The following ZMYM1 variants were observed in gnomAD, a reference collection of about 807,000 sequenced individuals.
The protein encoded by ZMYM1 is zinc finger MYM-type protein 1.
ZMYM1 carries 39 observed loss-of-function variants against 60.0 expected under a neutral mutation model. The ratio of observed to expected loss-of-function variants is 0.65; its 90% CI spans 0.50 to 0.85. The LOEUF (loss-of-function observed/expected upper bound fraction) is 0.85, where lower values mean the gene tolerates loss of function less well. Among genes scored for constraint, ZMYM1 ranks in the 40% least tolerant of loss-of-function variants. The pLI is 0.00. For synonymous variants in ZMYM1, 413 were observed against 454.0 expected (o/e 0.91, Z 1.15); for missense variants, 1,171 against 1,309.5 (o/e 0.89, Z 1.63).
At chr1:35,067,800 G>A (rs115876717) in intron 1 of ZMYM1, among the ~76,000 whole-genome samples, 1,833 of 151,808 alleles carry the variant, frequency 0.012, 27 homozygotes, top group African/African-American at 0.027. Flanking sequence ...ACTTGGATCC[G>A]GAAGGCGGAG....
intron 6 of ZMYM1, among the ~76,000 whole-genome samples, chr1:35,107,976 G>T (rs1643949026): frequency 6.6e-6 from 1 of 152,004 alleles, no homozygotes; most frequent in East Asian, 1.9e-4. Context: ...GGGCATAGTG[G>T]CACACACCTA....
chr1:35,106,904 T>C (rs1643907762), intron 6 of ZMYM1, among the ~76,000 whole-genome samples: 1 of 151,464 alleles, frequency 6.6e-6, no homozygotes, highest in Non-Finnish European at 1.5e-5. Context: ...CAGGCTGGAG[T>C]GCAGTGGCGC....
chr1:35,080,948 AT>A (rs5773495), intron 1 of ZMYM1, among the ~76,000 whole-genome samples: 141,560 of 150,136 alleles, frequency 0.94, 66,814 homozygotes, highest in Non-Finnish European at 0.97. Flanking sequence ...GAATAAAATA[AT>A]TTTTTTTTTT....
At chr1:35,060,958 C>T (rs1195893244) in intron 1 of ZMYM1, among the ~76,000 whole-genome samples, 2 of 152,202 alleles carry the variant, frequency 1.3e-5, no homozygotes, top group African/African-American at 2.4e-5. Flanking sequence ...TCTGGGCCCA[C>T]CTGGAACAGG....
upstream of ZMYM1, among the ~76,000 whole-genome samples, chr1:35,078,405 A>C (rs1012748362): frequency 1.3e-5 from 2 of 152,048 alleles, no homozygotes; most frequent in African/African-American, 4.8e-5. Context: ...TTATATATAT[A>C]TTTTAGAATC....
At chr1:35,064,308 AAAAAAC>A (rs1641929610) in intron 1 of ZMYM1, among the ~76,000 whole-genome samples, 10 of 111,052 alleles carry the variant, frequency 9.0e-5, no homozygotes, top group African/African-American at 6.4e-4. Context: ...AAAAAAAAAA[AAAAAAC>A]AAAAAACACT....
chr1:35,097,210 A>C (rs1259571381), intron 3 of ZMYM1, 107 bp from the exon 4 acceptor site: 3 of 1,321,214 alleles, frequency 2.3e-6, no homozygotes, highest in Admixed American at 2.3e-5. Flanking sequence ...AAAGAGGGCA[A>C]CAGAACAAGA....
chr1:35,103,689 G>A (rs1643772213), intron 4 of ZMYM1, among the ~76,000 whole-genome samples: 1 of 152,134 alleles, frequency 6.6e-6, no homozygotes, highest in African/African-American at 2.4e-5. Flanking sequence ...TGGGATTGCA[G>A]GGTCCTACCA....
chr1:35,092,691 G>A (rs1248133038), intron 1 of ZMYM1, among the ~76,000 whole-genome samples: 5 of 150,512 alleles, frequency 3.3e-5, no homozygotes, highest in African/African-American at 7.4e-5. Context: ...GCAATGGCGC[G>A]ATCTTGGCCC....
Position 35,113,280 on chromosome 1 carries a change from T to C in ZMYM1, c.1450T>C (p.Cys484Arg). 1 of 1,612,614 alleles carries C rather than the reference T, an allele frequency of 6.2e-7. No homozygotes were observed. Among genetic ancestry groups the C allele is most frequent in the Non-Finnish European group, 8.5e-7 (1 of 1,178,772 alleles). The stretch of plus-strand genomic sequence containing the variant: ...ATTCTGTTATTCATGCCAGTTGTTC[T>C]GCCAAAAATATTTTAGCTGTGGAAG... The part of the protein sequence containing the change: ...VAFCYSCQLF[C>R]QKYFSCGRES... Residue 484 changes from cysteine to arginine, a missense_variant, in exon 10 of 10, where the codon TGC becomes CGC. Coordinates refer to ENST00000359858, the MANE Select transcript of ZMYM1 (RefSeq NM_024772.5).
downstream of ZMYM1, among the ~76,000 whole-genome samples, chr1:35,116,506 G>A (rs1220292663): frequency 6.6e-6 from 1 of 152,208 alleles, no homozygotes; most frequent in African/African-American, 2.4e-5. Flanking sequence ...TGCCCAGACT[G>A]GAGTGCAATG....
At chr1:35,076,833 G>A (rs183148342), upstream of ZMYM1, among the ~76,000 whole-genome samples, 222 of 151,590 alleles carry the variant, frequency 1.5e-3, no homozygotes, top group African/African-American at 5.2e-3. Flanking sequence ...TTGAGAGGCT[G>A]CAGCAGGAGA....
intron 4 of ZMYM1, among the ~76,000 whole-genome samples, chr1:35,102,952 C>A (rs905022339): frequency 4.6e-5 from 7 of 152,030 alleles, no homozygotes; most frequent in African/African-American, 1.7e-4. Context: ...TTGAGTACTT[C>A]CTTAAGTGAA....
downstream of ZMYM1, among the ~76,000 whole-genome samples, chr1:35,116,715 C>T (rs1644252063): frequency 6.6e-6 from 1 of 152,010 alleles, no homozygotes. Flanking sequence ...ACCTGGGCCT[C>T]CCAAAGTGCT....
At position 35,112,077 on chromosome 1, in the gene ZMYM1, A is replaced by G; in HGVS notation, c.1103-10A>G. Reference sequence around the variant, plus strand: ...ATATAAGATCTTGAATTTATGCTCTATTTTAACAGATACAGTTTCTTCAGT... The same window carrying G: ...ATATAAGATCTTGAATTTATGCTCTGTTTTAACAGATACAGTTTCTTCAGT... On this transcript the variant is annotated splice_polypyrimidine_tract_variant and intron_variant, in intron 8 of 9. Coordinates refer to ENST00000359858, the MANE Select transcript of ZMYM1 (RefSeq NM_024772.5). 1.2e-6 allele frequency: 2 copies of G among 1,612,396 alleles called. No homozygotes were observed. The highest frequency in any genetic ancestry group is 1.7e-6 in the Non-Finnish European group (2 of 1,179,232).
At chr1:35,106,608 C>CAAAAAA (rs752085700) in intron 6 of ZMYM1, among the ~76,000 whole-genome samples, 6 of 38,842 alleles carry the variant, frequency 1.5e-4, no homozygotes, top group East Asian at 6.6e-4. Flanking sequence ...GACTCCGTCT[C>CAAAAAA]AAAAAAAAAA....
chr1:35,064,236 A>C (rs1057114986), intron 1 of ZMYM1, among the ~76,000 whole-genome samples: 1 of 144,390 alleles, frequency 6.9e-6, no homozygotes, highest in Admixed American at 7.0e-5. Context: ...AGGCGGGAGA[A>C]TTGCTTGACC....
At chr1:35,092,516 C>T (rs1260593998) in intron 1 of ZMYM1, among the ~76,000 whole-genome samples, 2 of 152,140 alleles carry the variant, frequency 1.3e-5, no homozygotes, top group Admixed American at 6.5e-5. Context: ...GCTGGGATTA[C>T]AGGCATGAAC....
chr1:35,070,557 C>A (rs899688899), intron 1 of ZMYM1, among the ~76,000 whole-genome samples: 1 of 152,082 alleles, frequency 6.6e-6, no homozygotes, highest in Non-Finnish European at 1.5e-5. Context: ...CAAACAGAGA[C>A]AATTTGACTT....
Sources: allele counts gnomAD v4.1 joint callset (sites outside exome capture counted in the v4.1 genomes callset), GRCh38; gene constraint gnomAD v4.1.1; transcripts MANE v1.5; gene names NCBI Gene and HGNC (gene_info 2026-07-23, HGNC 2026-07-21).